The following PTPN3 variants were observed in gnomAD, a reference collection of about 807,000 sequenced individuals.
PTPN3 encodes tyrosine-protein phosphatase non-receptor type 3.
Under a neutral mutation model 132.7 loss-of-function variants are expected in PTPN3, and 96 were observed. The ratio of observed to expected loss-of-function variants is 0.72; its 90% CI spans 0.61 to 0.86. The LOEUF (loss-of-function observed/expected upper bound fraction) is 0.86, where lower values mean the gene tolerates loss of function less well. PTPN3 is among the 40% of genes least tolerant of loss of function. The pLI, the probability that PTPN3 is intolerant of heterozygous loss-of-function variation, is 0.00. For missense variants in PTPN3, 1,125 were observed against 1,159.6 expected, an observed-to-expected ratio of 0.97 and a Z score of 0.43; for synonymous variants, 398 against 429.0, an observed-to-expected ratio of 0.93 and a Z score of 0.89.
intron 25 of PTPN3, among the ~76,000 whole-genome samples, 165 bp from the exon 26 acceptor site, chr9:109,379,798 G>A (rs1036686227): frequency 2.0e-5 from 3 of 152,228 alleles, no homozygotes; most frequent in Non-Finnish European, 4.4e-5. Flanking sequence ...TATGATGCGG[G>A]GAGGGGGCAC....
chr9:109,485,908 G>C (rs1355788760), intron 1 of PTPN3, among the ~76,000 whole-genome samples: 1 of 152,220 alleles, frequency 6.6e-6, no homozygotes, highest in Non-Finnish European at 1.5e-5. Context: ...CCTGGTCTTT[G>C]AAAATTCTTT....
intron 12 of PTPN3, among the ~76,000 whole-genome samples, chr9:109,426,479 C>T (rs1843291345): frequency 6.6e-6 from 1 of 152,118 alleles, no homozygotes; most frequent in Admixed American, 6.6e-5. Flanking sequence ...GTGATTACTA[C>T]TGTTATTTTG....
At chr9:109,444,265 G>C (rs968039625) in intron 7 of PTPN3, among the ~76,000 whole-genome samples, 12 of 152,168 alleles carry the variant, frequency 7.9e-5, no homozygotes, top group Admixed American at 2.0e-4. Context: ...CACAAAGCTA[G>C]CTACTATAAA....
chr9:109,524,971 C>T, the PTPN3 span, among the ~76,000 whole-genome samples: 1 of 152,158 alleles, frequency 6.6e-6, no homozygotes, highest in African/African-American at 2.4e-5. Context: ...CTCCTGGCCT[C>T]GTGGCCTTAA....
At chr9:109,470,166 T>C (rs575196128) in intron 1 of PTPN3, among the ~76,000 whole-genome samples, 1 of 152,190 alleles carries the variant, frequency 6.6e-6, no homozygotes, top group African/African-American at 2.4e-5. Context: ...TCAAATTAAG[T>C]GCACTTCTCG....
chr9:109,450,403 T>C (rs1281030220), intron 5 of PTPN3: 1 of 984,672 alleles, frequency 1.0e-6, no homozygotes, highest in Non-Finnish European at 1.2e-6. Context: ...GAGTTATAGA[T>C]AATCCAATGG....
chr9:109,440,718 A>G (rs1844401351), intron 7 of PTPN3, among the ~76,000 whole-genome samples: 6 of 152,246 alleles, frequency 3.9e-5, no homozygotes, highest in Admixed American at 3.9e-4. Flanking sequence ...AAGGTTATCC[A>G]TCATACCAGT....
rs1390351303 is a variant in PTPN3, at chr9:109,478,616, C to T, written c.-17-15165G>A. Among the ~76,000 whole-genome samples the T allele has an allele frequency of 2.0e-5, 3 of 152,210 alleles. No individual in the cohort carries two copies. In the East Asian group the frequency reaches 5.8e-4, roughly 29 times the overall value. On this transcript the variant is annotated intron_variant, in intron 1 of 25. Transcript: ENST00000374541. The stretch of plus-strand genomic sequence containing the variant: ...AACGAGATGACAGACAGGGGCTGGG[C>T]CACCACCTAGAGGAGGATGGCTAAA...
intron 24 of PTPN3, 98 bp downstream of exon 24, chr9:109,382,204 T>G: frequency 7.1e-7 from 1 of 1,410,734 alleles, no homozygotes; most frequent in Non-Finnish European, 9.7e-7. Flanking sequence ...GCACACGACT[T>G]TGTGGGATGT....
chr9:109,533,853 G>T, the PTPN3 span: 1 of 812,876 alleles, frequency 1.2e-6, no homozygotes, highest in Non-Finnish European at 2.1e-6. Flanking sequence ...TGGTAGTTTT[G>T]CTGGTAATTG....
At chr9:109,463,533 T>A (rs1438126245) in intron 1 of PTPN3, 82 bp from the exon 2 acceptor site, 4 of 1,304,948 alleles carry the variant, frequency 3.1e-6, no homozygotes, top group African/African-American at 1.5e-5. Flanking sequence ...TCAGATCCCA[T>A]CCTCTCGATA....
At chr9:109,396,465 T>A (rs1416551648) in intron 19 of PTPN3, among the ~76,000 whole-genome samples, 1 of 152,140 alleles carries the variant, frequency 6.6e-6, no homozygotes, top group Non-Finnish European at 1.5e-5. Context: ...AGACAACAGC[T>A]CCTGGCTGCA....
intron 10 of PTPN3, among the ~76,000 whole-genome samples, chr9:109,431,971 C>A (rs1843693367): frequency 6.6e-6 from 1 of 151,010 alleles, no homozygotes; most frequent in Non-Finnish European, 1.5e-5. Context: ...AGTAAGCATG[C>A]AATAAGAATT....
chr9:109,490,613 C>CCTGT (rs1847416675), intron 1 of PTPN3, among the ~76,000 whole-genome samples: 1 of 152,080 alleles, frequency 6.6e-6, no homozygotes, highest in Non-Finnish European at 1.5e-5. Context: ...GTGGCACATG[C>CCTGT]CTGTAATCCC....
intron 17 of PTPN3, among the ~76,000 whole-genome samples, chr9:109,407,711 A>C (rs1841683661): frequency 6.6e-6 from 1 of 151,912 alleles, no homozygotes; most frequent in Non-Finnish European, 1.5e-5. Flanking sequence ...CACCCAGATA[A>C]TTTTTGTATT....
intron 1 of PTPN3, among the ~76,000 whole-genome samples, chr9:109,476,141 G>A (rs999403487): frequency 5.3e-5 from 8 of 152,088 alleles, no homozygotes; most frequent in African/African-American, 1.9e-4. Flanking sequence ...GTTATATTAG[G>A]TTCGGTAACC....
the PTPN3 span, chr9:109,534,163 G>A: frequency 1.7e-5 from 15 of 873,548 alleles, no homozygotes; most frequent in East Asian, 3.4e-4. Flanking sequence ...AACCTTCGTT[G>A]CGATGACCTT....
intron 19 of PTPN3, among the ~76,000 whole-genome samples, chr9:109,399,086 G>C (rs1413816641): frequency 1.3e-5 from 2 of 152,194 alleles, no homozygotes; most frequent in Non-Finnish European, 2.9e-5. Flanking sequence ...CTACCAAAGG[G>C]AATGGCTAAT....
At chr9:109,474,890 A>C (rs1009221279) in intron 1 of PTPN3, among the ~76,000 whole-genome samples, 3 of 152,086 alleles carry the variant, frequency 2.0e-5, no homozygotes, top group African/African-American at 7.2e-5. Context: ...CCTCTCTGAG[A>C]CTCAGTTTCC....
Sources: allele counts gnomAD v4.1 joint callset (sites outside exome capture counted in the v4.1 genomes callset), GRCh38; gene constraint gnomAD v4.1.1; transcripts MANE v1.5; gene names NCBI Gene and HGNC (gene_info 2026-07-23, HGNC 2026-07-21).